PIEZO2: variants seen among roughly 807,000 people sequenced by gnomAD.
The protein encoded by PIEZO2 is piezo type mechanosensitive ion channel component 2.
PIEZO2 carries 172 observed loss-of-function variants against 337.3 expected under a neutral mutation model. The ratio of observed to expected loss-of-function variants is 0.51; its 90% CI spans 0.45 to 0.58. The LOEUF is 0.58. Among genes scored for constraint, PIEZO2 ranks in the 20% least tolerant of loss-of-function variants. PIEZO2 has a pLI of 0.00. For missense variants in PIEZO2, 3,028 were observed against 3,391.3 expected, an observed-to-expected ratio of 0.89 and a Z score of 2.66; for synonymous variants, 1,251 against 1,228.5, an observed-to-expected ratio of 1.02 and a Z score of -0.38.
intron 4 of PIEZO2, among the ~76,000 whole-genome samples, chr18:10,900,097 A>G (rs180756106): frequency 1.9e-4 from 29 of 152,200 alleles, no homozygotes; most frequent in African/African-American, 6.5e-4. Context: ...GAATAAAGGA[A>G]GGTAAAGCTA....
chr18:10,932,382 G>A (rs1325200166), intron 3 of PIEZO2, among the ~76,000 whole-genome samples: 17 of 151,780 alleles, frequency 1.1e-4, no homozygotes, highest in Admixed American at 1.0e-3. Flanking sequence ...GGTGACAGAG[G>A]AAGACTGTCT....
At position 11,112,221 on chromosome 18, in the gene PIEZO2, G is replaced by A. The variant is rs376837307; in HGVS notation, c.64+36304C>T. ...TTTGTATCTACAGGATCAGATATTC[G>A]GATATTTGTAAAGATAACGGTGACT... On this transcript the variant is annotated intron_variant, in intron 1 of 55. Transcript: ENST00000674853. This position sits in a 1 kb window ranked among gnomAD's most constrained non-coding sequence, Gnocchi z 4.3. 8.5e-5 allele frequency among the ~76,000 whole-genome samples: 13 copies of A among 152,182 alleles called. No individual in the cohort carries two copies. The highest frequency in any genetic ancestry group is 2.0e-4 in the Admixed American group (3 of 15,286).
intron 10 of PIEZO2, among the ~76,000 whole-genome samples, chr18:10,800,838 G>GCCAT (rs1487575291): frequency 2.0e-5 from 3 of 152,200 alleles, no homozygotes; most frequent in Non-Finnish European, 4.4e-5. Flanking sequence ...CCACCTCTCA[G>GCCAT]CCATCCCTCC....
intron 2 of PIEZO2, among the ~76,000 whole-genome samples, chr18:11,024,556 A>G (rs1352556526): frequency 6.6e-6 from 1 of 150,992 alleles, no homozygotes; most frequent in Non-Finnish European, 1.5e-5. Context: ...AGAAAAAAAA[A>G]AAAAAAAGAA....
At chr18:11,139,891 G>T (rs1234580452) in intron 1 of PIEZO2, among the ~76,000 whole-genome samples, 1 of 152,136 alleles carries the variant, frequency 6.6e-6, no homozygotes, top group Non-Finnish European at 1.5e-5. Context: ...TCAGTAGACT[G>T]CCCATCGAGT....
At chr18:10,742,313 TA>T (rs2037256824) in intron 32 of PIEZO2, among the ~76,000 whole-genome samples, 180 bp downstream of exon 32, 1 of 152,242 alleles carries the variant, frequency 6.6e-6, no homozygotes, top group South Asian at 2.1e-4. Context: ...ATTTATCAAA[TA>T]CATACTTTAT....
intron 4 of PIEZO2, among the ~76,000 whole-genome samples, chr18:10,876,015 C>T (rs2042259171): frequency 6.6e-6 from 1 of 152,222 alleles, no homozygotes; most frequent in Non-Finnish European, 1.5e-5. Context: ...GTTAACAAAG[C>T]AGTGCATTCA....
chr18:10,971,891 C>T (rs2034250710), intron 3 of PIEZO2, among the ~76,000 whole-genome samples: 1 of 152,118 alleles, frequency 6.6e-6, no homozygotes, highest in Admixed American at 6.6e-5. Context: ...CTCTGTTACT[C>T]ACTAATGAGC....
chr18:11,028,664 G>A lies in PIEZO2; in HGVS notation c.160+37463C>T, dbSNP rs76218716. ...GTGGAGTTGAGGACAGTAAAACTGT[G>A]CAGTATTAGGGATATATGTTTCCTT... is the stretch of plus-strand genomic sequence containing the variant. On this transcript the variant is annotated intron_variant, in intron 2 of 55. Coordinates refer to ENST00000674853, the MANE Select transcript of PIEZO2 (RefSeq NM_001378183.1). The surrounding 1 kb of genome is among the most constrained non-coding windows in gnomAD (Gnocchi z 4.8). Among the ~76,000 whole-genome samples the A allele has an allele frequency of 0.022, 3,386 of 152,276 alleles. 118 individuals carry two copies. Among genetic ancestry groups the A allele is most frequent in the African/African-American group, 0.075 (3,102 of 41,534 alleles).
chr18:11,074,028 A>G (rs2038437968), intron 1 of PIEZO2, among the ~76,000 whole-genome samples: 1 of 151,936 alleles, frequency 6.6e-6, no homozygotes, highest in South Asian at 2.1e-4. Flanking sequence ...TTGTATTTTT[A>G]GTAGAGATGG....
rs1354079026 is a variant in PIEZO2, at chr18:10,716,130, C to T, written c.5090-314G>A. Among the ~76,000 whole-genome samples, 1 of 152,128 alleles carries T rather than the reference C, an allele frequency of 6.6e-6. No homozygotes were observed. The highest frequency in any genetic ancestry group is 2.1e-4 in the South Asian group (1 of 4,822). On this transcript the variant is annotated intron_variant, in intron 37 of 55. Coordinates refer to ENST00000674853, the MANE Select transcript of PIEZO2 (RefSeq NM_001378183.1). The surrounding 1 kb of genome is among the most constrained non-coding windows in gnomAD (Gnocchi z 4.1). ...TTGGACAGCGTGGATCCACTCTACG[C>T]GTGGATTGTTTTCAGTAAAAGTTAC...
At chr18:10,918,221 T>C (rs2031141402) in intron 3 of PIEZO2, among the ~76,000 whole-genome samples, 1 of 152,138 alleles carries the variant, frequency 6.6e-6, no homozygotes, top group Non-Finnish European at 1.5e-5. Flanking sequence ...CCACATGAGG[T>C]TCATCATTAA....
Position 10,707,610 on chromosome 18 carries a change from G to T in PIEZO2, c.5588+665C>A, listed in dbSNP as rs2035638501. Among the ~76,000 whole-genome samples the T allele has an allele frequency of 6.6e-6, 1 of 152,188 alleles. No individual in the cohort carries two copies. The highest frequency in any genetic ancestry group is 1.5e-5 in the Non-Finnish European group (1 of 68,040). ...GCAATTCAAAAAGAGTTTTCGGGTT[G>T]TATGCAAATAATTTTATTTCTAAAT... On this transcript the variant is annotated intron_variant, in intron 40 of 55. Coordinates refer to ENST00000674853, the MANE Select transcript of PIEZO2 (RefSeq NM_001378183.1). This position sits in a 1 kb window ranked among gnomAD's most constrained non-coding sequence, Gnocchi z 4.2.
rs2033804072 is a variant in PIEZO2 at position 10,962,035 on chromosome 18, C to T, written c.286+17500G>A. 6.6e-6 allele frequency among the ~76,000 whole-genome samples: 1 copy of T among 152,198 alleles called. No homozygotes were observed. Among genetic ancestry groups the T allele is most frequent in the Non-Finnish European group, 1.5e-5 (1 of 68,016 alleles). On this transcript the variant is annotated intron_variant, in intron 3 of 55. Transcript: ENST00000674853. The surrounding 1 kb of genome is among the most constrained non-coding windows in gnomAD (Gnocchi z 4.1). ...TCTGTGGGCTCTGTGTAAAGCCATC[C>T]AGAAATGCACCACTGATTCTCGCAA...
chr18:10,688,331 C>T (rs12953341), intron 49 of PIEZO2, among the ~76,000 whole-genome samples: 43,920 of 152,008 alleles, frequency 0.29, 6,846 homozygotes, highest in Non-Finnish European at 0.36. Context: ...GCAAACGACA[C>T]GATCTCCTTC....
At chr18:10,841,231 T>A (rs1295012569) in intron 7 of PIEZO2, among the ~76,000 whole-genome samples, 1 of 152,072 alleles carries the variant, frequency 6.6e-6, no homozygotes, top group Non-Finnish European at 1.5e-5. Flanking sequence ...TCAGAGTAGA[T>A]CTCAATCTTT....
At chr18:11,023,691 A>G (rs898856313) in intron 2 of PIEZO2, among the ~76,000 whole-genome samples, 3 of 152,102 alleles carry the variant, frequency 2.0e-5, no homozygotes, top group African/African-American at 7.2e-5. Flanking sequence ...GGCACTGTGG[A>G]GCAGGGGGCG....
chr18:10,853,419 T>A lies in PIEZO2; in HGVS notation c.917+1934A>T, dbSNP rs909248578. 6.6e-6 allele frequency among the ~76,000 whole-genome samples: 1 copy of A among 152,198 alleles called. No individual in the cohort carries two copies. The highest frequency in any genetic ancestry group is 1.5e-5 in the Non-Finnish European group (1 of 68,024). ...TTGTCACTCATTCCTGCTCCAAAACTTGCCTCAGTCTCTCCTGCCTTATGC... is the reference window on the plus strand; with the variant it reads ...TTGTCACTCATTCCTGCTCCAAAACATGCCTCAGTCTCTCCTGCCTTATGC... On this transcript the variant is annotated intron_variant, in intron 7 of 55. Transcript: ENST00000674853. The surrounding 1 kb of genome is among the most constrained non-coding windows in gnomAD (Gnocchi z 4.2).
chr18:10,925,036 G>C (rs2031645958), intron 3 of PIEZO2, among the ~76,000 whole-genome samples: 1 of 152,100 alleles, frequency 6.6e-6, no homozygotes, highest in Non-Finnish European at 1.5e-5. Context: ...CAAATACAAA[G>C]TTCAGACAAA....
Sources: allele counts gnomAD v4.1 joint callset (sites outside exome capture counted in the v4.1 genomes callset), GRCh38; gene constraint gnomAD v4.1.1; non-coding constraint Gnocchi (gnomAD v3.1); transcripts MANE v1.5; gene names NCBI Gene and HGNC (gene_info 2026-07-23, HGNC 2026-07-21).